The following ZBTB20 variants were observed in gnomAD, a reference collection of about 807,000 sequenced individuals.
ZBTB20 encodes zinc finger and BTB domain containing 20.
Under a neutral mutation model 56.9 loss-of-function variants are expected in ZBTB20, and 9 were observed. The ratio of observed to expected loss-of-function variants is 0.16; its 90% CI spans 0.10 to 0.28. ZBTB20 has a LOEUF of 0.28. Among genes scored for constraint, ZBTB20 ranks in the 10% least tolerant of loss-of-function variants. ZBTB20 has a pLI of 1.00. For missense variants in ZBTB20, 655 were observed against 1,003.0 expected, an observed-to-expected ratio of 0.65 and a Z score of 4.69; for synonymous variants, 417 against 420.7, an observed-to-expected ratio of 0.99 and a Z score of 0.11.
At chr3:114,475,504 A>G (rs78815692) in intron 7 of ZBTB20, among the ~76,000 whole-genome samples, 3,867 of 152,258 alleles carry the variant, frequency 0.025, 162 homozygotes, top group African/African-American at 0.088. Context: ...GAGTTCATGT[A>G]TGTACTTTAC....
intron 5 of ZBTB20, among the ~76,000 whole-genome samples, chr3:114,770,411 T>G (rs1269664298): frequency 4.0e-5 from 6 of 151,472 alleles, no homozygotes; most frequent in Admixed American, 4.0e-4. Context: ...ATTATGCCAT[T>G]GCACTCCAGC....
chr3:114,360,206 G>A (rs1407288644), intron 10 of ZBTB20, among the ~76,000 whole-genome samples: 3 of 151,486 alleles, frequency 2.0e-5, no homozygotes, highest in African/African-American at 4.9e-5. Flanking sequence ...AACTGCTTTT[G>A]AAGCAGGTCT....
intron 7 of ZBTB20, among the ~76,000 whole-genome samples, chr3:114,465,638 C>T (rs1004012212): frequency 1.5e-4 from 23 of 151,336 alleles, no homozygotes; most frequent in South Asian, 2.1e-4. Context: ...ACCCAGGAGC[C>T]GGAGGTTGCA....
intron 3 of ZBTB20, among the ~76,000 whole-genome samples, chr3:114,950,152 T>C (rs2077016522): frequency 6.6e-6 from 1 of 152,128 alleles, no homozygotes; most frequent in Admixed American, 6.5e-5. Flanking sequence ...TCCCCCTTTA[T>C]CCATGGGGAA....
intron 6 of ZBTB20, among the ~76,000 whole-genome samples, chr3:114,561,624 T>A (rs1286077183): frequency 1.3e-5 from 2 of 152,106 alleles, no homozygotes; most frequent in Non-Finnish European, 2.9e-5. Context: ...GGGCTTAAAA[T>A]ATTCAGTAAA....
intron 5 of ZBTB20, among the ~76,000 whole-genome samples, chr3:114,762,940 G>A (rs2068539388): frequency 6.6e-6 from 1 of 152,088 alleles, no homozygotes; most frequent in Non-Finnish European, 1.5e-5. Context: ...ATGACAAACA[G>A]AAGTTATGAC....
chr3:114,432,499 C>T (rs2090193345), intron 7 of ZBTB20, among the ~76,000 whole-genome samples: 1 of 152,284 alleles, frequency 6.6e-6, no homozygotes, highest in East Asian at 1.9e-4. Context: ...GATGGCCTGC[C>T]ACAGCCAAAA....
chr3:114,433,050 C>T (rs2090235112), intron 7 of ZBTB20, among the ~76,000 whole-genome samples: 1 of 152,106 alleles, frequency 6.6e-6, no homozygotes, highest in Non-Finnish European at 1.5e-5. Context: ...CATTATGAAT[C>T]TGTTATTATG....
chr3:115,133,983 C>G (rs78385242), intron 1 of ZBTB20, among the ~76,000 whole-genome samples: 3,551 of 152,190 alleles, frequency 0.023, 43 homozygotes, highest in South Asian at 0.051. Flanking sequence ...AAAGAACCAG[C>G]CTTTAGATTT....
intron 1 of ZBTB20, among the ~76,000 whole-genome samples, chr3:115,126,425 T>G (rs202019534): frequency 6.6e-6 from 1 of 152,108 alleles, no homozygotes; most frequent in Non-Finnish European, 1.5e-5. Flanking sequence ...TCTAGCACCA[T>G]TCACAGCCAC....
chr3:114,655,689 G>A (rs1369098902), intron 6 of ZBTB20, among the ~76,000 whole-genome samples: 1 of 151,960 alleles, frequency 6.6e-6, no homozygotes, highest in East Asian at 1.9e-4. Context: ...AATTATCACT[G>A]TTTACACAGA....
intron 3 of ZBTB20, among the ~76,000 whole-genome samples, chr3:114,925,535 T>C (rs1455045942): frequency 6.6e-6 from 1 of 152,068 alleles, no homozygotes; most frequent in Non-Finnish European, 1.5e-5. Context: ...GTTTTTGTTT[T>C]GTTTTGTCTT....
At chr3:114,534,436 T>C (rs916062662) in intron 6 of ZBTB20, among the ~76,000 whole-genome samples, 5 of 152,150 alleles carry the variant, frequency 3.3e-5, no homozygotes, top group Admixed American at 6.5e-5. Context: ...CAAGAAGAGC[T>C]AACTGTCCTA....
At chr3:114,753,245 CCTGTATATA>C (rs2067702669) in intron 5 of ZBTB20, among the ~76,000 whole-genome samples, 1 of 74,768 alleles carries the variant, frequency 1.3e-5, no homozygotes, top group African/African-American at 4.1e-5. Flanking sequence ...TATATGTATA[CCTGTATATA>C]ATGTATATAT....
chr3:114,374,345 G>C (rs895303305), intron 10 of ZBTB20, among the ~76,000 whole-genome samples: 1 of 152,200 alleles, frequency 6.6e-6, no homozygotes, highest in African/African-American at 2.4e-5. Flanking sequence ...GCACTTAGTT[G>C]TACCAAAGAC....
chr3:114,851,004 G>A (rs962955906), intron 4 of ZBTB20, among the ~76,000 whole-genome samples: 1 of 152,090 alleles, frequency 6.6e-6, no homozygotes, highest in Non-Finnish European at 1.5e-5. Flanking sequence ...AAAGAACCAA[G>A]CCCAGAAACC....
chr3:114,795,974 A>G (rs1476433393), intron 5 of ZBTB20, among the ~76,000 whole-genome samples: 1 of 152,040 alleles, frequency 6.6e-6, no homozygotes, highest in African/African-American at 2.4e-5. Flanking sequence ...AAAATATAGA[A>G]AGTAATTCCT....
At chr3:114,403,182 C>A (rs565127228) in intron 7 of ZBTB20, among the ~76,000 whole-genome samples, 1 of 152,090 alleles carries the variant, frequency 6.6e-6, no homozygotes, top group Non-Finnish European at 1.5e-5. Context: ...CTTTTTTCGA[C>A]CTCTTTAAAT....
chr3:114,507,634 T>C (rs1486290379), intron 6 of ZBTB20, among the ~76,000 whole-genome samples: 3 of 152,160 alleles, frequency 2.0e-5, no homozygotes, highest in Non-Finnish European at 4.4e-5. Context: ...TCTTTCTTCC[T>C]GACTCTCTTA....
Sources: allele counts gnomAD v4.1 joint callset (sites outside exome capture counted in the v4.1 genomes callset), GRCh38; gene constraint gnomAD v4.1.1; transcripts MANE v1.5; gene names NCBI Gene and HGNC (gene_info 2026-07-23, HGNC 2026-07-21).